Variants in KDM4C observed in about 807,000 individuals in gnomAD.
The protein encoded by KDM4C is lysine-specific demethylase 4C.
Under a neutral mutation model 129.3 loss-of-function variants are expected in KDM4C, and 81 were observed. That is an observed-to-expected ratio of 0.63 (90% CI 0.52 to 0.75). The LOEUF is 0.75. Among genes scored for constraint, KDM4C ranks in the 30% least tolerant of loss-of-function variants. The probability of loss-of-function intolerance (pLI) is 0.00; values close to 1 mark genes in which losing one functional copy is unlikely to be tolerated. For synonymous variants in KDM4C, 573 were observed against 456.1 expected (o/e 1.26, Z -3.26); for missense variants, 1,457 against 1,304.0 (o/e 1.12, Z -1.81).
At chr9:7,047,696 A>G (rs1829604647) in intron 16 of KDM4C, among the ~76,000 whole-genome samples, 1 of 152,036 alleles carries the variant, frequency 6.6e-6, no homozygotes. Flanking sequence ...TATAAATTGC[A>G]TCTAAAATTT....
At chr9:6,799,385 A>G (rs988517658) in intron 2 of KDM4C, among the ~76,000 whole-genome samples, 1 of 152,206 alleles carries the variant, frequency 6.6e-6, no homozygotes, top group African/African-American at 2.4e-5. Flanking sequence ...CAACACAGCG[A>G]AACCCCGTCT....
At chr9:7,094,559 G>C (rs1836191855) in intron 17 of KDM4C, among the ~76,000 whole-genome samples, 1 of 152,130 alleles carries the variant, frequency 6.6e-6, no homozygotes, top group African/African-American at 2.4e-5. Context: ...CTTACGTAGG[G>C]GAAGGTGGTG....
chr9:6,795,168 C>G (rs1480987678), intron 2 of KDM4C, among the ~76,000 whole-genome samples: 1 of 152,114 alleles, frequency 6.6e-6, no homozygotes, highest in Non-Finnish European at 1.5e-5. Context: ...GGTCAGATAG[C>G]ATGGAAAACA....
At position 6,979,064 on chromosome 9, in the gene KDM4C, G is replaced by A. The variant is rs1690872341; in HGVS notation, c.922-1861G>A. Among the ~76,000 whole-genome samples, 3 of 152,132 alleles carry A rather than the reference G, an allele frequency of 2.0e-5. No homozygotes were observed. The South Asian group carries it at 6.2e-4, about 32-fold the overall frequency. On this transcript the variant is annotated intron_variant, in intron 8 of 21. Coordinates refer to ENST00000381309, the MANE Select transcript of KDM4C (RefSeq NM_015061.6). ...GCCTAAATCAGCTCATTAAAGTGGG[G>A]AGCATCACTTTTGTTCACTGTTTAT...
intron 4 of KDM4C, among the ~76,000 whole-genome samples, chr9:6,833,381 A>G (rs1588579907): frequency 6.6e-6 from 1 of 152,146 alleles, no homozygotes; most frequent in African/African-American, 2.4e-5. Context: ...TGACTTTCCT[A>G]GATATTGGGA....
chr9:6,803,674 G>T (rs1052675671), intron 2 of KDM4C, among the ~76,000 whole-genome samples: 3 of 151,678 alleles, frequency 2.0e-5, no homozygotes, highest in Non-Finnish European at 4.4e-5. Context: ...CACTTTGGGA[G>T]GCCAAGGCAG....
At chr9:7,053,661 C>T (rs570077571) in intron 17 of KDM4C, among the ~76,000 whole-genome samples, 1 of 152,250 alleles carries the variant, frequency 6.6e-6, no homozygotes, top group African/African-American at 2.4e-5. Flanking sequence ...CTTTTAAAAA[C>T]CTAAAACATT....
intron 15 of KDM4C, among the ~76,000 whole-genome samples, chr9:7,024,498 A>T (rs1353497767): frequency 7.0e-6 from 1 of 143,786 alleles, no homozygotes; most frequent in Non-Finnish European, 1.5e-5. Context: ...CCCACCCCAC[A>T]ACAGTCCCTG....
At chr9:6,939,342 C>T (rs1372576217) in intron 8 of KDM4C, among the ~76,000 whole-genome samples, 1 of 152,056 alleles carries the variant, frequency 6.6e-6, no homozygotes, top group Non-Finnish European at 1.5e-5. Context: ...TGTCTCCCAT[C>T]CCCCCGTGAG....
chr9:6,865,785 C>T (rs964856037), intron 5 of KDM4C, among the ~76,000 whole-genome samples: 1 of 151,512 alleles, frequency 6.6e-6, no homozygotes, highest in Admixed American at 6.6e-5. Context: ...GAGTCTCGCT[C>T]TGTCGCCCAG....
intron 4 of KDM4C, among the ~76,000 whole-genome samples, chr9:6,816,381 CTG>C (rs1832089071): frequency 6.6e-6 from 1 of 152,112 alleles, no homozygotes; most frequent in Non-Finnish European, 1.5e-5. Flanking sequence ...ATTCCCTTAC[CTG>C]CCCTATTACC....
chr9:7,034,782 A>G (rs1827351644), intron 15 of KDM4C, among the ~76,000 whole-genome samples: 1 of 152,196 alleles, frequency 6.6e-6, no homozygotes, highest in Non-Finnish European at 1.5e-5. Flanking sequence ...TTACTAGTTT[A>G]CATTCCCACC....
intron 15 of KDM4C, among the ~76,000 whole-genome samples, chr9:7,019,208 A>T (rs1036267233): frequency 6.6e-6 from 1 of 152,208 alleles, no homozygotes; most frequent in African/African-American, 2.4e-5. Context: ...TTTACTAAAC[A>T]CTTAAGTATG....
intron 5 of KDM4C, among the ~76,000 whole-genome samples, chr9:6,852,915 A>G (rs114837720): frequency 6.6e-6 from 1 of 151,874 alleles, no homozygotes; most frequent in Non-Finnish European, 1.5e-5. Flanking sequence ...GCATCTTACA[A>G]CTGGTTGTGG....
intron 8 of KDM4C, among the ~76,000 whole-genome samples, chr9:6,976,985 AT>A (rs1190649409): frequency 6.6e-6 from 1 of 152,056 alleles, no homozygotes; most frequent in Non-Finnish European, 1.5e-5. Flanking sequence ...ATTTGGGCTT[AT>A]TTGTTTTGAG....
intron 8 of KDM4C, among the ~76,000 whole-genome samples, chr9:6,894,384 A>G (rs889329195): frequency 1.3e-5 from 2 of 152,242 alleles, no homozygotes; most frequent in African/African-American, 4.8e-5. Flanking sequence ...CACATTGTAC[A>G]TCCTGTGTAT....
intron 4 of KDM4C, among the ~76,000 whole-genome samples, chr9:6,818,198 C>G (rs1352752426): frequency 6.6e-6 from 1 of 152,122 alleles, no homozygotes; most frequent in Non-Finnish European, 1.5e-5. Flanking sequence ...AGTTTTTTGA[C>G]TTTTGAAACA....
At chr9:6,943,482 G>T (rs1329297241) in intron 8 of KDM4C, among the ~76,000 whole-genome samples, 2 of 152,120 alleles carry the variant, frequency 1.3e-5, no homozygotes, top group Non-Finnish European at 2.9e-5. Context: ...GCCTAGTGGG[G>T]AGGATCGCCT....
chr9:7,168,507 T>G lies in KDM4C; in HGVS notation c.2902-1291T>G, dbSNP rs558344733. Among the ~76,000 whole-genome samples, 169 of 152,320 alleles carry G rather than the reference T, an allele frequency of 1.1e-3. 3 individuals carry two copies. In the South Asian group the frequency reaches 0.033, roughly 30 times the overall value. ...CTGTTAGCTGGTGTTATTTACCTTT[T>G]CTTTGACAAAATCTTTTAAAATGTT... is the stretch of plus-strand genomic sequence containing the variant. On this transcript the variant is annotated intron_variant, in intron 20 of 21. Coordinates refer to ENST00000381309, the MANE Select transcript of KDM4C (RefSeq NM_015061.6).
Sources: gnomAD v4.1 joint callset for allele counts (sites outside exome capture counted in the v4.1 genomes callset) on GRCh38, gnomAD v4.1.1 for gene constraint, MANE v1.5 for transcripts, NCBI Gene and HGNC (gene_info 2026-07-23, HGNC 2026-07-21) for gene names.